The following TSPAN5 variants were observed in gnomAD, a reference collection of about 807,000 sequenced individuals.
TSPAN5 encodes the protein tetraspanin 5.
A neutral mutation model predicts 37.1 loss-of-function variants in TSPAN5; 10 were observed. That is an observed-to-expected ratio of 0.27 (90% CI 0.17 to 0.46). The LOEUF (loss-of-function observed/expected upper bound fraction) is 0.46, where lower values mean the gene tolerates loss of function less well. TSPAN5 is among the 20% of genes least tolerant of loss of function. TSPAN5 has a pLI of 1.00. For missense variants in TSPAN5, 195 were observed against 326.6 expected (o/e 0.60, Z 3.11); for synonymous variants, 110 against 118.9 (o/e 0.93, Z 0.48).
intron 2 of TSPAN5, among the ~76,000 whole-genome samples, chr4:98,495,388 G>C (rs1753179419): frequency 1.3e-5 from 2 of 152,102 alleles, no homozygotes; most frequent in Non-Finnish European, 2.9e-5. Flanking sequence ...AATTAGCCAG[G>C]TGTGGTGGTG....
intron 3 of TSPAN5, among the ~76,000 whole-genome samples, chr4:98,485,801 G>A (rs1752947707): frequency 7.1e-6 from 1 of 141,754 alleles, no homozygotes; most frequent in Admixed American, 7.1e-5. Context: ...GAATGTCCCT[G>A]GATGATGATG....
chr4:98,636,984 C>T (rs956631878), intron 1 of TSPAN5, among the ~76,000 whole-genome samples: 1 of 152,082 alleles, frequency 6.6e-6, no homozygotes, highest in Non-Finnish European at 1.5e-5. Flanking sequence ...TACCAAAGCA[C>T]CTGATGAGCA....
At chr4:98,599,136 AT>A (rs892981504) in intron 1 of TSPAN5, among the ~76,000 whole-genome samples, 14 of 151,870 alleles carry the variant, frequency 9.2e-5, no homozygotes, top group Admixed American at 3.9e-4. Context: ...AGCCATTTTA[AT>A]TTTTTTTTAT....
intron 1 of TSPAN5, among the ~76,000 whole-genome samples, chr4:98,640,508 G>A (rs963014118): frequency 2.6e-5 from 4 of 152,196 alleles, no homozygotes; most frequent in Non-Finnish European, 4.4e-5. Context: ...AAATGTTGGC[G>A]TTGTTATCCA....
chr4:98,602,458 G>A (rs1755904253), intron 1 of TSPAN5, among the ~76,000 whole-genome samples: 1 of 151,902 alleles, frequency 6.6e-6, no homozygotes, highest in Non-Finnish European at 1.5e-5. Flanking sequence ...TCCTTTTTTG[G>A]CAAAACCAGA....
At chr4:98,600,481 G>A (rs571813883) in intron 1 of TSPAN5, among the ~76,000 whole-genome samples, 1 of 152,252 alleles carries the variant, frequency 6.6e-6, no homozygotes, top group African/African-American at 2.4e-5. Context: ...TAAATCCTTT[G>A]CTGTCGTTTC....
intron 1 of TSPAN5, among the ~76,000 whole-genome samples, chr4:98,588,483 GA>G (rs1218335404): frequency 2.6e-5 from 4 of 151,550 alleles, no homozygotes; most frequent in Non-Finnish European, 5.9e-5. Context: ...ATTTTTTAAA[GA>G]ATGTCTTTTC....
At chr4:98,516,718 G>C (rs927668202) in intron 1 of TSPAN5, among the ~76,000 whole-genome samples, 1 of 152,218 alleles carries the variant, frequency 6.6e-6, no homozygotes, top group Non-Finnish European at 1.5e-5. Flanking sequence ...ATGGCTTGCA[G>C]CTGTTCTAGA....
intron 1 of TSPAN5, among the ~76,000 whole-genome samples, chr4:98,559,159 A>G (rs942591538): frequency 1.3e-5 from 2 of 152,154 alleles, no homozygotes; most frequent in Admixed American, 1.3e-4. Context: ...CAGTAACGAC[A>G]CTAAGACAAT....
rs1305970587 is a variant in TSPAN5, at chr4:98,594,174, C to T, written c.81+63972G>A. Among the ~76,000 whole-genome samples, 3 of 129,094 alleles carry T rather than the reference C, an allele frequency of 2.3e-5. No individual in the cohort carries two copies. The East Asian group carries it at 6.3e-4, about 27-fold the overall frequency. 84.7% of individuals were successfully genotyped at this position (129,094 alleles called of 152,430 possible). On this transcript the variant is annotated intron_variant, in intron 1 of 7. Coordinates refer to ENST00000305798, the MANE Select transcript of TSPAN5 (RefSeq NM_005723.4). ...CTTCACATCCCTTGTAAGTTGGATT[C>T]CTAGGTATTTTATTCTCTTTGAAGT...
chr4:98,602,707 T>C (rs574843721), intron 1 of TSPAN5, among the ~76,000 whole-genome samples: 1 of 152,344 alleles, frequency 6.6e-6, no homozygotes, highest in Admixed American at 6.5e-5. Context: ...GCGACAGAAT[T>C]GCTCATGCAG....
intron 1 of TSPAN5, among the ~76,000 whole-genome samples, chr4:98,619,543 C>T (rs943331617): frequency 6.6e-6 from 1 of 152,120 alleles, no homozygotes; most frequent in Non-Finnish European, 1.5e-5. Flanking sequence ...CATCTATGTG[C>T]CAGCTACTGT....
Position 98,547,508 on chromosome 4 carries a change from C to A in TSPAN5, c.82-39780G>T, listed in dbSNP as rs544824132. 2.0e-5 allele frequency among the ~76,000 whole-genome samples: 3 copies of A among 152,290 alleles called. No individual in the cohort carries two copies. In the South Asian group the frequency reaches 6.2e-4, roughly 32 times the overall value. On this transcript the variant is annotated intron_variant, in intron 1 of 7. Coordinates refer to ENST00000305798, the MANE Select transcript of TSPAN5 (RefSeq NM_005723.4). ...AATTCATTAACATAGATTAACAATT[C>A]ATCCTCGAGCTCAGATTCCTTTGTG...
chr4:98,582,924 T>C (rs1755402133), intron 1 of TSPAN5, among the ~76,000 whole-genome samples: 1 of 152,222 alleles, frequency 6.6e-6, no homozygotes. Flanking sequence ...TGTTATGAGT[T>C]GTGAATTCCC....
At chr4:98,619,193 C>T (rs1579034875) in intron 1 of TSPAN5, among the ~76,000 whole-genome samples, 1 of 152,308 alleles carries the variant, frequency 6.6e-6, no homozygotes. Flanking sequence ...ATTTTTAATT[C>T]TGCTTATCTC....
chr4:98,519,840 T>C (rs966633944), intron 1 of TSPAN5, among the ~76,000 whole-genome samples: 3 of 152,190 alleles, frequency 2.0e-5, no homozygotes, highest in African/African-American at 7.2e-5. Context: ...GTTCCACCAT[T>C]ACTGGCTGTG....
At chr4:98,646,239 G>C (rs991321995) in intron 1 of TSPAN5, among the ~76,000 whole-genome samples, 2 of 152,130 alleles carry the variant, frequency 1.3e-5, no homozygotes, top group African/African-American at 4.8e-5. Flanking sequence ...GCATCAGCTG[G>C]AAGGACATAT....
At chr4:98,497,190 G>A (rs769850503) in intron 2 of TSPAN5, among the ~76,000 whole-genome samples, 50 of 151,984 alleles carry the variant, frequency 3.3e-4, no homozygotes, top group Non-Finnish European at 1.9e-4. Flanking sequence ...CCAGGCGTGC[G>A]CCTTGTAGTC....
In TSPAN5 at chr4:98,563,166, T is replaced by C. The variant is rs76440199; in HGVS notation, c.82-55438A>G. On this transcript the variant is annotated intron_variant, in intron 1 of 7. Coordinates refer to ENST00000305798, the MANE Select transcript of TSPAN5 (RefSeq NM_005723.4). ...TGTATCTTGAAAGAGAGGTACCTGT[T>C]TGTAATTCATCAAAGTCATCACATA... Among the ~76,000 whole-genome samples, 236 of 152,218 alleles carry C rather than the reference T, an allele frequency of 1.6e-3. 3 individuals are homozygous for C. In the East Asian group the frequency reaches 0.042, roughly 27 times the overall value.
Sources: gnomAD v4.1 joint callset for allele counts (sites outside exome capture counted in the v4.1 genomes callset) on GRCh38, gnomAD v4.1.1 for gene constraint, MANE v1.5 for transcripts, NCBI Gene and HGNC (gene_info 2026-07-23, HGNC 2026-07-21) for gene names.